Variants in KCNQ5 observed in about 807,000 individuals in gnomAD.
KCNQ5 encodes potassium voltage-gated channel subfamily KQT member 5.
In KCNQ5, 30 loss-of-function variants were observed where a neutral mutation model predicts 98.2. The observed-to-expected ratio is 0.31, with a 90% CI of 0.23 to 0.41. KCNQ5 has a LOEUF of 0.41. KCNQ5 is among the 10% of genes least tolerant of loss of function. KCNQ5 has a pLI of 1.00. For synonymous variants in KCNQ5, 458 were observed against 449.4 expected (o/e 1.02, Z -0.24); for missense variants, 835 against 1,182.5 (o/e 0.71, Z 4.31).
chr6:72,830,051 G>C (rs1270106395), intron 1 of KCNQ5, among the ~76,000 whole-genome samples: 3 of 152,088 alleles, frequency 2.0e-5, no homozygotes, highest in African/African-American at 7.2e-5. Context: ...TCTTCAAGGA[G>C]AACTACAAAC....
intron 1 of KCNQ5, among the ~76,000 whole-genome samples, chr6:72,921,731 A>G (rs1166861960): frequency 6.6e-6 from 1 of 152,194 alleles, no homozygotes; most frequent in African/African-American, 2.4e-5. Flanking sequence ...AGTACTCATA[A>G]TAAGTACTCT....
At chr6:72,627,570 A>G (rs1428226366) in intron 1 of KCNQ5, among the ~76,000 whole-genome samples, 1 of 152,224 alleles carries the variant, frequency 6.6e-6, no homozygotes, top group East Asian at 1.9e-4. Context: ...TTGCTGCTGC[A>G]GCTTCAGTGG....
At chr6:72,927,955 A>G (rs1041412183) in intron 1 of KCNQ5, among the ~76,000 whole-genome samples, 2 of 152,086 alleles carry the variant, frequency 1.3e-5, no homozygotes, top group African/African-American at 4.8e-5. Context: ...TCTGCACATT[A>G]CAGGAAGAAA....
At chr6:73,121,336 T>TAAA (rs113225446) in intron 8 of KCNQ5, among the ~76,000 whole-genome samples, 17 of 139,156 alleles carry the variant, frequency 1.2e-4, no homozygotes, top group African/African-American at 3.7e-4. Flanking sequence ...GATCTGTAAT[T>TAAA]AAAAAAAAAA....
In KCNQ5 at chr6:73,077,821, C is replaced by T. The variant is rs1237110023; in HGVS notation, c.852C>T (p.Val284=). Residue 284 remains valine (V), a synonymous_variant, in exon 5 of 14, where the codon GTC becomes GTT. Transcript: ENST00000370398. The part of the protein sequence containing the change: ...FLVLIFSSFL[V]YLVEKDANKE... ...TTCTTATTTTTTCGTCTTTCCTTGT[C>T]TATCTGGTGGAAAAGGATGCCAATA... is the stretch of plus-strand genomic sequence containing the variant. The T allele has an allele frequency of 6.2e-7, 1 of 1,611,662 alleles. No homozygotes were observed. The highest frequency in any genetic ancestry group is 8.5e-7 in the Non-Finnish European group (1 of 1,178,318).
chr6:72,891,468 C>T (rs1581966389), intron 1 of KCNQ5, among the ~76,000 whole-genome samples: 1 of 152,252 alleles, frequency 6.6e-6, no homozygotes, highest in East Asian at 1.9e-4. Flanking sequence ...TTTTAATACT[C>T]TTACCTGATT....
chr6:73,195,399 T>C lies in KCNQ5; in HGVS notation c.2784T>C (p.His928=), dbSNP rs117938048. The change falls in exon 14 of 14, where the codon CAT becomes CAC. Residue 928 remains histidine, a synonymous_variant. Coordinates refer to ENST00000370398, the MANE Select transcript of KCNQ5 (RefSeq NM_019842.4). Reference sequence around the variant, plus strand: ...GTACAGATGCCCTCAGCTTGCCTCATGTCAAACTGAAATAAGTTCTTCATT... The same window carrying C: ...GTACAGATGCCCTCAGCTTGCCTCACGTCAAACTGAAATAAGTTCTTCATT... The part of the protein sequence containing the change: ...GESTDALSLP[H]VKLK 2.5e-6 allele frequency: 4 copies of C among 1,612,484 alleles called. No homozygotes were observed. Among genetic ancestry groups the C allele is most frequent in the Non-Finnish European group, 3.4e-6 (4 of 1,178,796 alleles).
intron 6 of KCNQ5, among the ~76,000 whole-genome samples, chr6:73,110,433 G>A (rs552525970): frequency 1.6e-3 from 239 of 152,260 alleles, no homozygotes; most frequent in African/African-American, 5.6e-3. Context: ...GGACATCAAA[G>A]AACCAGAATT....
In KCNQ5 at chr6:72,726,987, T is replaced by G. The variant is rs76507411; in HGVS notation, c.398+104400T>G. On this transcript the variant is annotated intron_variant, in intron 1 of 13. Coordinates refer to ENST00000370398, the MANE Select transcript of KCNQ5 (RefSeq NM_019842.4). ...ATTAAAGATAAACCACTCAGATCAC[T>G]CTTAGTCGTGACATGCAGAGAAGTG... Among the ~76,000 whole-genome samples, 465 of 152,320 alleles carry G rather than the reference T, an allele frequency of 3.1e-3. 6 individuals carry two copies. The highest frequency in any genetic ancestry group is 0.01 in the African/African-American group (428 of 41,572).
At chr6:72,765,997 G>A (rs1772549228) in intron 1 of KCNQ5, among the ~76,000 whole-genome samples, 1 of 152,032 alleles carries the variant, frequency 6.6e-6, no homozygotes, top group Non-Finnish European at 1.5e-5. Context: ...TATCAGGCAT[G>A]CACCAAGGGT....
At chr6:72,771,008 G>A (rs996544735) in intron 1 of KCNQ5, among the ~76,000 whole-genome samples, 2 of 152,078 alleles carry the variant, frequency 1.3e-5, no homozygotes, top group Non-Finnish European at 2.9e-5. Flanking sequence ...AGGGGGAAGG[G>A]GGCGGGGAAT....
At chr6:72,772,052 T>C (rs1042958487) in intron 1 of KCNQ5, among the ~76,000 whole-genome samples, 2 of 152,170 alleles carry the variant, frequency 1.3e-5, no homozygotes, top group Non-Finnish European at 2.9e-5. Context: ...ACTTACTTTA[T>C]ATATTTTATG....
intron 1 of KCNQ5, among the ~76,000 whole-genome samples, chr6:72,862,401 G>C (rs1322484734): frequency 6.6e-6 from 1 of 152,176 alleles, no homozygotes. Flanking sequence ...CAAATAACTT[G>C]CTTCCTCATT....
intron 1 of KCNQ5, among the ~76,000 whole-genome samples, chr6:72,767,461 G>A (rs928782016): frequency 1.3e-5 from 2 of 151,832 alleles, no homozygotes; most frequent in Non-Finnish European, 2.9e-5. Context: ...CAAAAACCCA[G>A]CAATAGAAGA....
intron 2 of KCNQ5, among the ~76,000 whole-genome samples, chr6:73,010,263 T>A (rs1225716364): frequency 6.6e-6 from 1 of 152,076 alleles, no homozygotes; most frequent in Non-Finnish European, 1.5e-5. Flanking sequence ...CACATAATTA[T>A]CTCAATTGAA....
chr6:73,098,902 A>G (rs918291680), intron 5 of KCNQ5, among the ~76,000 whole-genome samples: 1 of 152,184 alleles, frequency 6.6e-6, no homozygotes, highest in African/African-American at 2.4e-5. Context: ...AAGTAGAAAG[A>G]CAAAAAGATG....
chr6:73,193,279 C>T (rs186406970), intron 13 of KCNQ5, among the ~76,000 whole-genome samples: 67 of 151,716 alleles, frequency 4.4e-4, no homozygotes, highest in African/African-American at 1.6e-3. Context: ...CTTGGCCTCC[C>T]AAAGTGCTGA....
chr6:73,052,510 A>G (rs985822813), intron 3 of KCNQ5, among the ~76,000 whole-genome samples: 1 of 152,234 alleles, frequency 6.6e-6, no homozygotes, highest in Admixed American at 6.5e-5. Context: ...CCACCTCCCA[A>G]GGAAACCCCA....
At chr6:73,079,966 A>C (rs928462417) in intron 5 of KCNQ5, among the ~76,000 whole-genome samples, 1 of 152,216 alleles carries the variant, frequency 6.6e-6, no homozygotes, top group Non-Finnish European at 1.5e-5. Flanking sequence ...TGACTTACTG[A>C]GGCACCCAGG....
Sources: gnomAD v4.1 joint callset for allele counts (sites outside exome capture counted in the v4.1 genomes callset) on GRCh38, gnomAD v4.1.1 for gene constraint, MANE v1.5 for transcripts, NCBI Gene and HGNC (gene_info 2026-07-23, HGNC 2026-07-21) for gene names.